SLC2A9: variants seen among roughly 807,000 people sequenced by gnomAD.
SLC2A9 encodes solute carrier family 2 member 9, also known as solute carrier family 2, facilitated glucose transporter member 9.
SLC2A9 carries 39 observed loss-of-function variants against 50.6 expected under a neutral mutation model. That is an observed-to-expected ratio of 0.77 (90% confidence interval 0.60 to 1.01). The LOEUF (loss-of-function observed/expected upper bound fraction) is 1.01, where lower values mean the gene tolerates loss of function less well. Among genes scored for constraint, SLC2A9 ranks in the 50% least tolerant of loss-of-function variants. The probability of loss-of-function intolerance (pLI) is 0.00; values close to 1 mark genes in which losing one functional copy is unlikely to be tolerated. For missense variants in SLC2A9, 686 were observed against 677.6 expected, an observed-to-expected ratio of 1.01 and a Z score of -0.14; for synonymous variants, 324 against 276.9, an observed-to-expected ratio of 1.17 and a Z score of -1.69.
At chr4:9,786,211 C>T (rs565168363) in intron 3 of SLC2A9, among the ~76,000 whole-genome samples, 26 of 152,324 alleles carry the variant, frequency 1.7e-4, no homozygotes, top group Admixed American at 4.6e-4. Flanking sequence ...ATTTGACTCT[C>T]GCTGCCCTGT....
intron 1 of SLC2A9, among the ~76,000 whole-genome samples, chr4:10,020,700 T>C (rs1763398954): frequency 1.3e-5 from 2 of 152,228 alleles, no homozygotes; most frequent in South Asian, 4.1e-4. Context: ...ATCGTTTCTG[T>C]GCTCTGTGCC....
chr4:9,853,542 C>A (rs112600375), intron 10 of SLC2A9, among the ~76,000 whole-genome samples: 1 of 152,124 alleles, frequency 6.6e-6, no homozygotes, highest in Non-Finnish European at 1.5e-5. Context: ...GGTAACCACA[C>A]AATAATAGCA....
chr4:9,871,735 T>A (rs985463455), intron 10 of SLC2A9, among the ~76,000 whole-genome samples: 1 of 152,192 alleles, frequency 6.6e-6, no homozygotes, highest in East Asian at 1.9e-4. Flanking sequence ...ACTCAACCCA[T>A]TACAGTAGCT....
rs576012873 is a variant in SLC2A9, at chr4:9,985,666, C to T, written c.535+3G>A. ...TTCCCTCCCCGTCATGGTGAACTCTCACCTCCATCTATGCCCATGATGAAG... is the reference window on the plus strand; with the variant it reads ...TTCCCTCCCCGTCATGGTGAACTCTTACCTCCATCTATGCCCATGATGAAG... On this transcript the variant is annotated splice_donor_region_variant and intron_variant, in intron 4 of 11. Transcript: ENST00000264784. 23 of 1,613,878 alleles carry T rather than the reference C, an allele frequency of 1.4e-5. No individual in the cohort carries two copies. Among genetic ancestry groups the T allele is most frequent in the Non-Finnish European group, 4.2e-6 (5 of 1,179,868 alleles).
chr4:9,992,129 T>A (rs778695687), intron 3 of SLC2A9, among the ~76,000 whole-genome samples: 1 of 152,210 alleles, frequency 6.6e-6, no homozygotes, highest in African/African-American at 2.4e-5. Context: ...CGAACCTCCA[T>A]CCTTCTTCTG....
At chr4:10,023,849 C>T (rs537099652), upstream of SLC2A9, among the ~76,000 whole-genome samples, 8 of 152,206 alleles carry the variant, frequency 5.3e-5, no homozygotes, top group Non-Finnish European at 7.3e-5. Context: ...GCCTCCAAAG[C>T]GAGGGCTGGT....
intron 3 of SLC2A9, among the ~76,000 whole-genome samples, chr4:9,785,101 G>A (rs891869360): frequency 2.2e-4 from 33 of 152,046 alleles, no homozygotes; most frequent in African/African-American, 7.2e-4. Flanking sequence ...ATAGCTAAGC[G>A]AACCATTAGG....
chr4:9,941,284 C>A (rs1748074615), intron 6 of SLC2A9, among the ~76,000 whole-genome samples: 1 of 152,192 alleles, frequency 6.6e-6, no homozygotes, highest in African/African-American at 2.4e-5. Flanking sequence ...GACTCAGCAT[C>A]CCCCCATTTA....
chr4:9,851,911 T>C (rs979800078), intron 10 of SLC2A9, among the ~76,000 whole-genome samples: 1 of 152,194 alleles, frequency 6.6e-6, no homozygotes, highest in Non-Finnish European at 1.5e-5. Flanking sequence ...CTCTGAGCAA[T>C]ATGAGATTAT....
At chr4:9,865,866 A>G (rs1732373649) in intron 10 of SLC2A9, among the ~76,000 whole-genome samples, 2 of 152,248 alleles carry the variant, frequency 1.3e-5, no homozygotes, top group Admixed American at 1.3e-4. Flanking sequence ...CCCTGCAGGA[A>G]CACTGGTTTG....
chr4:9,841,226 T>G (rs950310), intron 10 of SLC2A9, among the ~76,000 whole-genome samples: 1 of 152,144 alleles, frequency 6.6e-6, no homozygotes, highest in African/African-American at 2.4e-5. Flanking sequence ...ATTTTCTACA[T>G]GTTGGATTCT....
chr4:9,883,132 T>TAC (rs56300042), intron 10 of SLC2A9, among the ~76,000 whole-genome samples: 84,221 of 149,448 alleles, frequency 0.56, 25,981 homozygotes, highest in Non-Finnish European at 0.71. Context: ...GCAAGCTATC[T>TAC]ACACACACAC....
intron 10 of SLC2A9, among the ~76,000 whole-genome samples, chr4:9,859,072 C>T (rs563510441): frequency 1.2e-4 from 18 of 152,294 alleles, no homozygotes; most frequent in East Asian, 5.8e-4. Context: ...GGTGCACTGT[C>T]GGCTTCCCTA....
At chr4:9,993,562 G>T (rs957535391) in intron 3 of SLC2A9, among the ~76,000 whole-genome samples, 2 of 152,120 alleles carry the variant, frequency 1.3e-5, no homozygotes, top group Non-Finnish European at 2.9e-5. Context: ...AAAGATGAAA[G>T]AGTTTAAGAA....
chr4:10,026,119 G>C (rs1763743191), upstream of SLC2A9: 7 of 718,554 alleles, frequency 9.7e-6, no homozygotes, highest in African/African-American at 1.8e-5. Context: ...AGCTCTGGCT[G>C]GGATGCCAGG....
In SLC2A9 at chr4:9,997,880, CAT is replaced by C. The variant is rs1201023000; in HGVS notation, c.250-941_250-940del. ...AAAGACAACCCATAGACTGAGATAA[CAT>C]ATTTGCAACACATAGAACTACAAAT... On this transcript the variant is annotated intron_variant, in intron 2 of 11. Transcript: ENST00000264784. Among the ~76,000 whole-genome samples, 8 of 152,252 alleles carry C rather than the reference CAT, an allele frequency of 5.3e-5. No individual in the cohort carries two copies. The East Asian group carries it at 1.5e-3, about 29-fold the overall frequency.
upstream of SLC2A9, among the ~76,000 whole-genome samples, chr4:10,024,828 G>T (rs955909663): frequency 6.6e-6 from 1 of 152,198 alleles, no homozygotes; most frequent in African/African-American, 2.4e-5. Context: ...GGAAAAGAAG[G>T]GGGGTTTTCT....
intron 5 of SLC2A9, among the ~76,000 whole-genome samples, chr4:9,957,457 T>C (rs1435807490): frequency 6.6e-6 from 1 of 152,092 alleles, no homozygotes; most frequent in Non-Finnish European, 1.5e-5. Flanking sequence ...AACCACACTT[T>C]TGAAAAAGTG....
intron 10 of SLC2A9, among the ~76,000 whole-genome samples, chr4:9,842,481 G>T (rs1480225128): frequency 6.6e-6 from 1 of 152,138 alleles, no homozygotes; most frequent in East Asian, 1.9e-4. Flanking sequence ...ACCAAACTAT[G>T]AATTATGAAT....
Sources: gnomAD v4.1 joint callset for allele counts (sites outside exome capture counted in the v4.1 genomes callset) on GRCh38, gnomAD v4.1.1 for gene constraint, MANE v1.5 for transcripts, NCBI Gene and HGNC (gene_info 2026-07-23, HGNC 2026-07-21) for gene names.